CCDC141: variants seen among roughly 807,000 people sequenced by gnomAD.
The protein encoded by CCDC141 is coiled-coil domain containing 141, also known as coiled-coil domain-containing protein 141.
Under a neutral mutation model 181.0 loss-of-function variants are expected in CCDC141, and 168 were observed. That is an observed-to-expected ratio of 0.93 (90% CI 0.82 to 1.05). CCDC141 has a LOEUF of 1.05. Ranked by LOEUF, CCDC141 falls within the 50% of genes least tolerant of loss-of-function variation. CCDC141 has a pLI of 0.00. For missense variants in CCDC141, 1,902 were observed against 1,788.5 expected (o/e 1.06, Z -1.14); for synonymous variants, 666 against 642.3 (o/e 1.04, Z -0.56).
chr2:178,908,090 C>T (rs1171636571), intron 7 of CCDC141, among the ~76,000 whole-genome samples: 1 of 152,146 alleles, frequency 6.6e-6, no homozygotes, highest in Non-Finnish European at 1.5e-5. Context: ...ATCGAAACAT[C>T]ATTTGCCAAT....
rs983911093 is a variant in CCDC141, at chr2:178,978,377, A to AT, written c.417+106dup. The AT allele has an allele frequency of 2.3e-4, 171 of 729,134 alleles. No homozygotes were observed. In the East Asian group the frequency reaches 2.6e-3, roughly 11 times the overall value. The allele number at this position is 729,134 out of a possible 1,614,324, so 45.2% of individuals were successfully genotyped here. A position where few individuals can be genotyped will look rare whatever the true frequency, so the allele number is the denominator to read the frequency against. On this transcript the variant is annotated intron_variant, in intron 3 of 23. Coordinates refer to ENST00000443758, the MANE Select transcript of CCDC141 (RefSeq NM_173648.4). Reference sequence around the variant, plus strand: ...GTATGTATGTTTTGGTTATTCTGCCATTTTTTTAACTGCTTGCAATGTCTA... The same window carrying AT: ...GTATGTATGTTTTGGTTATTCTGCCATTTTTTTTAACTGCTTGCAATGTCTA...
chr2:178,908,445 G>T (rs1688078436), intron 7 of CCDC141, among the ~76,000 whole-genome samples: 1 of 152,130 alleles, frequency 6.6e-6, no homozygotes, highest in Non-Finnish European at 1.5e-5. Flanking sequence ...GCCTGCGTCG[G>T]CCTCCCAAAG....
At chr2:178,848,087 T>C (rs1685015057) in intron 21 of CCDC141, among the ~76,000 whole-genome samples, 1 of 152,100 alleles carries the variant, frequency 6.6e-6, no homozygotes, top group African/African-American at 2.4e-5. Context: ...ACAAGTGGCA[T>C]GGGAGATCAG....
At chr2:178,903,809 G>A (rs972412419) in intron 8 of CCDC141, among the ~76,000 whole-genome samples, 1 of 151,688 alleles carries the variant, frequency 6.6e-6, no homozygotes, top group Admixed American at 6.6e-5. Context: ...TCCACAGCCA[G>A]GGAACATGCC....
intron 2 of CCDC141, among the ~76,000 whole-genome samples, chr2:179,046,647 T>G (rs958410260): frequency 6.6e-6 from 1 of 152,190 alleles, no homozygotes; most frequent in Non-Finnish European, 1.5e-5. Flanking sequence ...AAGAAAAAGC[T>G]TTTCCTTGCT....
rs191535898 is a variant in CCDC141, at chr2:178,983,734, A to G, written c.226-5059T>C. Among the ~76,000 whole-genome samples, 143 of 152,124 alleles carry G rather than the reference A, an allele frequency of 9.4e-4. 2 individuals are homozygous for G. The highest frequency in any genetic ancestry group is 3.3e-3 in the African/African-American group (135 of 41,476). ...GTATCAGCAATGGAAGATGAAATCA[A>G]TGAAATGAAGTGAGAAGGAAAGTTT... is the stretch of plus-strand genomic sequence containing the variant. On this transcript the variant is annotated intron_variant, in intron 2 of 23. Transcript: ENST00000443758.
At chr2:178,985,351 A>G (rs1691671215) in intron 2 of CCDC141, among the ~76,000 whole-genome samples, 1 of 147,568 alleles carries the variant, frequency 6.8e-6, no homozygotes, top group East Asian at 2.0e-4. Flanking sequence ...CTAAATGCCC[A>G]CAAGAGAAAG....
chr2:179,012,619 GCCAGCATTACC>G (rs1419485846), intron 2 of CCDC141, among the ~76,000 whole-genome samples: 1 of 151,994 alleles, frequency 6.6e-6, no homozygotes, highest in Non-Finnish European at 1.5e-5. Flanking sequence ...ATTCTATGAA[GCCAGCATTACC>G]CTAATACCAA....
chr2:178,967,900 T>C (rs781533954), intron 4 of CCDC141, among the ~76,000 whole-genome samples: 13 of 151,874 alleles, frequency 8.6e-5, no homozygotes, highest in Non-Finnish European at 7.4e-5. Context: ...GAATATTTAC[T>C]AAGCAAATGG....
chr2:178,959,212 C>G (rs904987399), intron 5 of CCDC141, among the ~76,000 whole-genome samples: 1 of 151,698 alleles, frequency 6.6e-6, no homozygotes, highest in Non-Finnish European at 1.5e-5. Flanking sequence ...TTAATGGGTG[C>G]AGCACACCAA....
At chr2:178,924,139 C>T (rs1438086325) in intron 6 of CCDC141, among the ~76,000 whole-genome samples, 1 of 152,148 alleles carries the variant, frequency 6.6e-6, no homozygotes, top group East Asian at 1.9e-4. Context: ...TCGTTATAAG[C>T]TTGACTTCAG....
chr2:178,944,390 T>C, intron 6 of CCDC141, 145 bp downstream of exon 6: 1 of 438,492 alleles, frequency 2.3e-6, no homozygotes, highest in Non-Finnish European at 4.0e-6. Flanking sequence ...TGGTATTTGC[T>C]AATGTTATTG....
In CCDC141 at chr2:178,831,407, C is replaced by A. The variant is rs1291899390; in HGVS notation, c.*2766G>T. On this transcript the variant is annotated 3_prime_UTR_variant, in exon 24 of 24. Coordinates refer to ENST00000443758, the MANE Select transcript of CCDC141 (RefSeq NM_173648.4). The stretch of plus-strand genomic sequence containing the variant: ...GTGAAAATCTTGAGTTTAATTTTCA[C>A]CAGAAAACCTGCTAGACAAATTCTA... The A allele has an allele frequency of 5.3e-5, 8 of 152,104 alleles. No homozygotes were observed. Among genetic ancestry groups the A allele is most frequent in the Non-Finnish European group, 1.2e-4 (8 of 68,012 alleles). 9.4% of individuals were successfully genotyped at this position (152,104 alleles called of 1,614,324 possible).
At chr2:178,836,750 G>T in intron 23 of CCDC141, 144 bp downstream of exon 23, 1 of 828,818 alleles carries the variant, frequency 1.2e-6, no homozygotes, top group Non-Finnish European at 1.9e-6. Flanking sequence ...AGAGGGGTCT[G>T]ATGTGAGATT....
intron 4 of CCDC141, among the ~76,000 whole-genome samples, chr2:178,962,443 T>C (rs1331288869): frequency 6.6e-6 from 1 of 152,168 alleles, no homozygotes; most frequent in Non-Finnish European, 1.5e-5. Context: ...ATCTGTCTAC[T>C]TCTCTCTGTC....
chr2:178,838,293 G>A (rs1467689608), intron 22 of CCDC141, among the ~76,000 whole-genome samples: 5 of 152,178 alleles, frequency 3.3e-5, no homozygotes, highest in Non-Finnish European at 5.9e-5. Context: ...GTACGGCTCA[G>A]TGGCATTAAG....
chr2:178,857,226 T>G (rs1395662615), intron 17 of CCDC141, among the ~76,000 whole-genome samples: 1 of 152,202 alleles, frequency 6.6e-6, no homozygotes, highest in Admixed American at 6.5e-5. Flanking sequence ...TCCAAAAAGC[T>G]ATCCATGTTG....
intron 2 of CCDC141, among the ~76,000 whole-genome samples, chr2:179,043,093 C>G (rs2043365339): frequency 6.6e-6 from 1 of 152,098 alleles, no homozygotes; most frequent in South Asian, 2.1e-4. Flanking sequence ...ACTATAAACA[C>G]CTCTATGCAC....
intron 16 of CCDC141, among the ~76,000 whole-genome samples, chr2:178,867,032 G>A (rs186770910): frequency 6.6e-6 from 1 of 152,150 alleles, no homozygotes; most frequent in Non-Finnish European, 1.5e-5. Context: ...AAGAATCAAT[G>A]TCCAGTGTAT....
Sources: allele counts gnomAD v4.1 joint callset (sites outside exome capture counted in the v4.1 genomes callset), GRCh38; gene constraint gnomAD v4.1.1; transcripts MANE v1.5; gene names NCBI Gene and HGNC (gene_info 2026-07-23, HGNC 2026-07-21).